Variants in NEURL1B observed in about 807,000 individuals in gnomAD.
NEURL1B encodes neuralized E3 ubiquitin protein ligase 1B.
Under a neutral mutation model 37.4 loss-of-function variants are expected in NEURL1B, and 13 were observed. That is an observed-to-expected ratio of 0.35 (90% CI 0.23 to 0.55). The LOEUF (loss-of-function observed/expected upper bound fraction) is 0.55, where lower values mean the gene tolerates loss of function less well. NEURL1B is among the 20% of genes least tolerant of loss of function. The pLI, the probability that NEURL1B is intolerant of heterozygous loss-of-function variation, is 0.89. For synonymous variants in NEURL1B, 432 were observed against 426.6 expected (o/e 1.01, Z -0.16); for missense variants, 790 against 879.2 (o/e 0.90, Z 1.28).
chr5:172,683,401 CT>C lies in NEURL1B; in HGVS notation c.578-17del. 1 of 1,317,438 alleles carries C rather than the reference CT, an allele frequency of 7.6e-7. No individual in the cohort carries two copies. The highest frequency in any genetic ancestry group is 1.5e-5 in the African/African-American group (1 of 65,486). 81.6% of individuals were successfully genotyped at this position (1,317,438 alleles called of 1,614,324 possible). ...GCGCGGCCTCTCCCCCTCCATGTCC[CT>C]CCCTTTGTCCGCACAGAGAGCGCCT... On this transcript the variant is annotated splice_polypyrimidine_tract_variant and intron_variant, in intron 2 of 4. Coordinates refer to ENST00000369800, the MANE Select transcript of NEURL1B (RefSeq NM_001142651.3). This position sits in a 1 kb window ranked among gnomAD's most constrained non-coding sequence, Gnocchi z 5.6.
At chr5:172,644,057 A>G (rs189108315) in intron 1 of NEURL1B, among the ~76,000 whole-genome samples, 1 of 151,942 alleles carries the variant, frequency 6.6e-6, no homozygotes, top group Non-Finnish European at 1.5e-5. Flanking sequence ...ACGTGTCACT[A>G]TGCGACACGC....
rs1758660130 is a variant in NEURL1B at position 172,691,531 on chromosome 5, A to G, written c.*4606A>G. 1 of 151,970 alleles carries G rather than the reference A, an allele frequency of 6.6e-6. No individual in the cohort carries two copies. The highest frequency in any genetic ancestry group is 2.4e-5 in the African/African-American group (1 of 41,404). The allele number at this position is 151,970 out of a possible 1,614,324, so 9.4% of individuals were successfully genotyped here. A position where few individuals can be genotyped will look rare whatever the true frequency, so the allele number is the denominator to read the frequency against. Reference sequence around the variant, plus strand: ...AAAAAATACAACTTTGGCTTGTTAAAAAAAAAAAAGTCTTCAGAACTCAAT... The same window carrying G: ...AAAAAATACAACTTTGGCTTGTTAAGAAAAAAAAAGTCTTCAGAACTCAAT... On this transcript the variant is annotated 3_prime_UTR_variant, in exon 5 of 5. Transcript: ENST00000369800.
chr5:172,668,147 C>T (rs6872135), intron 1 of NEURL1B, among the ~76,000 whole-genome samples: 1,990 of 152,150 alleles, frequency 0.013, 38 homozygotes, highest in African/African-American at 0.045. Flanking sequence ...AGGAAGAGTA[C>T]GTTTTTCATT....
rs1391744306 is a variant in NEURL1B at position 172,686,143 on chromosome 5, C to G, written c.1298-28C>G. The G allele has an allele frequency of 3.9e-6, 6 of 1,549,886 alleles. No homozygotes were observed. The African/African-American group carries it at 8.2e-5, about 21-fold the overall frequency. ...GCAGGGCAGGTCCAACCTTCCACTG[C>G]CCCTGATGGAATCTCTTTGGGCCTC... On this transcript the variant is annotated intron_variant, in intron 3 of 4. Transcript: ENST00000369800. This position sits in a 1 kb window ranked among gnomAD's most constrained non-coding sequence, Gnocchi z 7.9.
Position 172,691,451 on chromosome 5 carries a change from G to A in NEURL1B, c.*4526G>A, listed in dbSNP as rs1028144626. On this transcript the variant is annotated 3_prime_UTR_variant, in exon 5 of 5. Transcript: ENST00000369800. ...TGAGTGTTGTGCTTTTCTGTGTTGT[G>A]TGTTTTGATTTTTGTCTTTTTATCT... The A allele has an allele frequency of 2.6e-5, 4 of 151,534 alleles. No homozygotes were observed. Among genetic ancestry groups the A allele is most frequent in the African/African-American group, 9.7e-5 (4 of 41,106 alleles). The allele number at this position is 151,534 out of a possible 1,614,324, so 9.4% of individuals were successfully genotyped here.
At chr5:172,684,201 C>G (rs1485648231) in intron 3 of NEURL1B, 63 bp downstream of exon 3, 8 of 1,154,268 alleles carry the variant, frequency 6.9e-6, no homozygotes, top group Non-Finnish European at 8.6e-6. Context: ...CGTCTCACCC[C>G]GCTGCGCTCT....
At chr5:172,662,731 G>A (rs575889010) in intron 1 of NEURL1B, among the ~76,000 whole-genome samples, 17 of 152,244 alleles carry the variant, frequency 1.1e-4, no homozygotes, top group South Asian at 2.1e-4. Context: ...TATGTTGACC[G>A]GCCTTCCAGA....
chr5:172,668,329 A>T (rs999792675), intron 1 of NEURL1B, among the ~76,000 whole-genome samples: 2 of 152,048 alleles, frequency 1.3e-5, no homozygotes, highest in African/African-American at 4.8e-5. Flanking sequence ...TCTAATGTGG[A>T]ACCTTGGCTT....
chr5:172,682,548 C>T (rs1191002543), intron 2 of NEURL1B, among the ~76,000 whole-genome samples: 1 of 152,176 alleles, frequency 6.6e-6, no homozygotes, highest in African/African-American at 2.4e-5. Flanking sequence ...TGCACTCCAG[C>T]CTGGGTGACA....
chr5:172,683,965 G>A lies in NEURL1B; in HGVS notation c.1124G>A (p.Gly375Glu). The A allele has an allele frequency of 7.5e-7, 1 of 1,324,518 alleles. No individual in the cohort carries two copies. The highest frequency in any genetic ancestry group is 1.8e-5 in the South Asian group (1 of 56,452). The allele number at this position is 1,324,518 out of a possible 1,614,324, so 82.0% of individuals were successfully genotyped here. Residue 375 changes from glycine (G) to glutamate (E), a missense_variant, in exon 3 of 5, where the codon GGG becomes GAG. Physicochemically the swap from Gly to Glu is moderately conservative, Grantham distance 98. This residue lies in a region of NEURL1B where 460 missense variants were observed against 407.4 expected (regional missense o/e 1.13). Coordinates refer to ENST00000369800, the MANE Select transcript of NEURL1B (RefSeq NM_001142651.3). The surrounding 1 kb of genome is among the most constrained non-coding windows in gnomAD (Gnocchi z 5.6). ...GAGTACTGGGTGGTGGCGCGCGCCGGGCCCGTGCCGAGCGGCGGCGACGCG... is the reference window on the plus strand; with the variant it reads ...GAGTACTGGGTGGTGGCGCGCGCCGAGCCCGTGCCGAGCGGCGGCGACGCG... Reference protein sequence around the residue: ...RKEYWVVARAGPVPSGGDALS... With the variant: ...RKEYWVVARAEPVPSGGDALS...
chr5:172,679,040 C>T (rs997320717), intron 2 of NEURL1B, among the ~76,000 whole-genome samples: 6 of 152,224 alleles, frequency 3.9e-5, no homozygotes, highest in Non-Finnish European at 8.8e-5. Flanking sequence ...TGTGTTGGTA[C>T]TCAGTGGCTA....
intron 1 of NEURL1B, among the ~76,000 whole-genome samples, chr5:172,649,903 C>T (rs1454391467): frequency 2.0e-5 from 3 of 152,160 alleles, no homozygotes; most frequent in African/African-American, 7.2e-5. Flanking sequence ...CCCTTCTTCT[C>T]CTTTCATCTT....
Position 172,683,217 on chromosome 5 carries a change from T to C in NEURL1B, c.578-202T>C, listed in dbSNP as rs1359301084. Reference sequence around the variant, plus strand: ...AGCATGTCAAGGAAACCGAGGATGGTGCTTAATGCAATTCTGTGCTCCTGT... The same window carrying C: ...AGCATGTCAAGGAAACCGAGGATGGCGCTTAATGCAATTCTGTGCTCCTGT... On this transcript the variant is annotated intron_variant, in intron 2 of 4. Coordinates refer to ENST00000369800, the MANE Select transcript of NEURL1B (RefSeq NM_001142651.3). This position sits in a 1 kb window ranked among gnomAD's most constrained non-coding sequence, Gnocchi z 5.6. Among the ~76,000 whole-genome samples, 3 of 152,222 alleles carry C rather than the reference T, an allele frequency of 2.0e-5. No individual in the cohort carries two copies. Among genetic ancestry groups the C allele is most frequent in the African/African-American group, 7.2e-5 (3 of 41,540 alleles).
chr5:172,671,992 T>G (rs1168129368), intron 2 of NEURL1B, among the ~76,000 whole-genome samples: 1 of 152,270 alleles, frequency 6.6e-6, no homozygotes, highest in Non-Finnish European at 1.5e-5. Context: ...GCCTCAGATT[T>G]TTTTTCATCT....
intron 1 of NEURL1B, among the ~76,000 whole-genome samples, chr5:172,663,220 A>C (rs1757937323): frequency 6.6e-6 from 1 of 151,094 alleles, no homozygotes; most frequent in Admixed American, 6.6e-5. Context: ...CTCAAGAAAA[A>C]ACTTAAAAAG....
intron 2 of NEURL1B, among the ~76,000 whole-genome samples, chr5:172,672,445 A>G (rs1451743862): frequency 1.3e-5 from 2 of 152,164 alleles, no homozygotes; most frequent in Admixed American, 6.5e-5. Context: ...CAGCCACTCC[A>G]TAATCAGCTC....
At chr5:172,660,113 G>C (rs913738633) in intron 1 of NEURL1B, among the ~76,000 whole-genome samples, 14 of 152,176 alleles carry the variant, frequency 9.2e-5, no homozygotes, top group Non-Finnish European at 1.3e-4. Context: ...TGATGTACTC[G>C]AGAAGGAATG....
chr5:172,683,732 A>G lies in NEURL1B; in HGVS notation c.891A>G (p.Lys297=). 2 of 1,355,560 alleles carry G rather than the reference A, an allele frequency of 1.5e-6. No individual in the cohort carries two copies. The highest frequency in any genetic ancestry group is 1.5e-5 in the South Asian group (1 of 68,062). The allele number at this position is 1,355,560 out of a possible 1,614,324, so 84.0% of individuals were successfully genotyped here. A position where few individuals can be genotyped will look rare whatever the true frequency, so the allele number is the denominator to read the frequency against. ...ACGTGAGCCTGTCGGCCGACCGCAA[A>G]GTGGCCTGCGCACCGCGGCCCGACG... ...GPDVSLSADR[K]VACAPRPDGG... is the part of the protein sequence containing the mutation. Residue 297 remains lysine, a synonymous_variant, in exon 3 of 5, where the codon AAA becomes AAG. Coordinates refer to ENST00000369800, the MANE Select transcript of NEURL1B (RefSeq NM_001142651.3). The surrounding 1 kb of genome is among the most constrained non-coding windows in gnomAD (Gnocchi z 5.6).
chr5:172,683,763 C>A lies in NEURL1B; in HGVS notation c.922C>A (p.Arg308Ser). The A allele has an allele frequency of 7.6e-7, 1 of 1,308,390 alleles. No homozygotes were observed. The highest frequency in any genetic ancestry group is 9.8e-7 in the Non-Finnish European group (1 of 1,023,734). The allele number at this position is 1,308,390 out of a possible 1,614,324, so 81.0% of individuals were successfully genotyped here. Residue 308 changes from arginine to serine, a missense_variant, in exon 3 of 5, where the codon CGC (arginine) becomes AGC (serine). Arg to Ser is a moderately radical substitution (Grantham distance 110, BLOSUM62 -1). Coordinates refer to ENST00000369800, the MANE Select transcript of NEURL1B (RefSeq NM_001142651.3). This position sits in a 1 kb window ranked among gnomAD's most constrained non-coding sequence, Gnocchi z 5.6. ...CTGCGCACCGCGGCCCGACGGCGGC[C>A]GCACGCTGGTCTTCTCCGAGCGCCC... ...VACAPRPDGG[R>S]TLVFSERPLR...
Sources: allele counts gnomAD v4.1 joint callset (sites outside exome capture counted in the v4.1 genomes callset), GRCh38; gene constraint gnomAD v4.1.1; regional missense constraint gnomAD v4.1.1; non-coding constraint Gnocchi (gnomAD v3.1); transcripts MANE v1.5; gene names NCBI Gene and HGNC (gene_info 2026-07-23, HGNC 2026-07-21).